The following SAMTOR variants were observed in gnomAD, a reference collection of about 807,000 sequenced individuals.
The protein encoded by SAMTOR is S-adenosylmethionine sensor upstream of mTORC1.
At chr7:112,855,354 G>A in the SAMTOR span, among the ~76,000 whole-genome samples, 3 of 152,124 alleles carry the variant, frequency 2.0e-5, no homozygotes, top group African/African-American at 4.8e-5. Flanking sequence ...ACTTTAAAAC[G>A]ACACCCAATT....
chr7:112,847,709 C>T, the SAMTOR span, among the ~76,000 whole-genome samples: 14 of 151,738 alleles, frequency 9.2e-5, no homozygotes, highest in African/African-American at 2.4e-4. Flanking sequence ...ACGCGGGAGG[C>T]GGAGGTTGCG....
the SAMTOR span, among the ~76,000 whole-genome samples, chr7:112,835,459 ATACTACCCT>A: frequency 6.6e-6 from 1 of 152,110 alleles, no homozygotes; most frequent in Non-Finnish European, 1.5e-5. Flanking sequence ...TAGGTTTTAG[ATACTACCCT>A]TAATAAAGTT....
the SAMTOR span, among the ~76,000 whole-genome samples, chr7:112,875,933 G>A: frequency 2.0e-5 from 3 of 152,222 alleles, no homozygotes; most frequent in South Asian, 4.1e-4. Context: ...ATGACATGTG[G>A]TTCCACCAAT....
the SAMTOR span, among the ~76,000 whole-genome samples, chr7:112,914,586 G>A: frequency 3.3e-5 from 5 of 152,082 alleles, no homozygotes; most frequent in South Asian, 2.1e-4. Flanking sequence ...ACCCTGAACC[G>A]TACATCAAAA....
the SAMTOR span, among the ~76,000 whole-genome samples, chr7:112,843,612 C>G: frequency 9.9e-5 from 15 of 151,892 alleles, no homozygotes; most frequent in Non-Finnish European, 2.2e-4. Flanking sequence ...ATTCCCTGAA[C>G]AGACCAATAA....
At chr7:112,883,477 A>C in the SAMTOR span, among the ~76,000 whole-genome samples, 1 of 152,254 alleles carries the variant, frequency 6.6e-6, no homozygotes, top group Non-Finnish European at 1.5e-5. Context: ...AAGGAAATAA[A>C]GAAATGATTC....
the SAMTOR span, among the ~76,000 whole-genome samples, chr7:112,899,835 C>A: frequency 1.4e-5 from 2 of 145,548 alleles, no homozygotes; most frequent in African/African-American, 5.2e-5. Flanking sequence ...AATACTGTAC[C>A]CCGCAAAGCT....
the SAMTOR span, among the ~76,000 whole-genome samples, chr7:112,870,061 G>A: frequency 6.6e-6 from 1 of 152,078 alleles, no homozygotes; most frequent in Non-Finnish European, 1.5e-5. Flanking sequence ...TATGTAAAGC[G>A]ATCAAATCTA....
the SAMTOR span, chr7:112,832,417 T>C: frequency 1.6e-6 from 1 of 620,184 alleles, no homozygotes; most frequent in Non-Finnish European, 2.9e-6. Flanking sequence ...TGCTCAATTA[T>C]TCACAAAATG....
At chr7:112,877,010 A>G in the SAMTOR span, among the ~76,000 whole-genome samples, 86 of 152,302 alleles carry the variant, frequency 5.6e-4, no homozygotes, top group African/African-American at 2.0e-3. Flanking sequence ...CTTTTACTCC[A>G]TTTATAACAC....
chr7:112,916,625 C>T, the SAMTOR span, among the ~76,000 whole-genome samples: 1 of 152,128 alleles, frequency 6.6e-6, no homozygotes, highest in African/African-American at 2.4e-5. Context: ...GTGTGGGAGC[C>T]GAAGTGGGGC....
At chr7:112,887,259 A>G in the SAMTOR span, among the ~76,000 whole-genome samples, 3,432 of 151,118 alleles carry the variant, frequency 0.023, 68 homozygotes, top group Admixed American at 0.042. Context: ...AGGCAACTAG[A>G]TAAATTCTCC....
the SAMTOR span, chr7:112,895,479 G>C: frequency 1.1e-6 from 1 of 910,406 alleles, no homozygotes; most frequent in South Asian, 3.3e-5. Context: ...GGAGGAGCAA[G>C]TAAACTGCTC....
the SAMTOR span, among the ~76,000 whole-genome samples, chr7:112,847,288 A>G: frequency 6.6e-6 from 1 of 152,246 alleles, no homozygotes; most frequent in Admixed American, 6.5e-5. Context: ...CTCAAATGGT[A>G]CAACAGGATC....
At chr7:112,879,098 T>C in the SAMTOR span, among the ~76,000 whole-genome samples, 1 of 151,548 alleles carries the variant, frequency 6.6e-6, no homozygotes, top group Non-Finnish European at 1.5e-5. Context: ...GGAATCAATC[T>C]GAGTGGTTCA....
chr7:112,904,742 AG>A, the SAMTOR span, among the ~76,000 whole-genome samples: 4 of 152,224 alleles, frequency 2.6e-5, no homozygotes, highest in South Asian at 8.3e-4. Flanking sequence ...TTGACTCGGT[AG>A]AAATAAAAAG....
At chr7:112,899,789 GAAA>G in the SAMTOR span, among the ~76,000 whole-genome samples, 35 of 113,360 alleles carry the variant, frequency 3.1e-4, no homozygotes, top group African/African-American at 1.3e-3. Context: ...TGTGCTGAAG[GAAA>G]AAAAAAAAAA....
chr7:112,820,924 TTGAG>T, the SAMTOR span: 201 of 152,464 alleles, frequency 1.3e-3, no homozygotes, highest in African/African-American at 4.6e-3. Context: ...TAGGTCATTA[TTGAG>T]TATTACATTG....
the SAMTOR span, among the ~76,000 whole-genome samples, chr7:112,921,307 T>C: frequency 6.6e-6 from 1 of 152,016 alleles, no homozygotes; most frequent in African/African-American, 2.4e-5. Flanking sequence ...TCTACAACTA[T>C]CTGATCTTTG....
Sources: allele counts gnomAD v4.1 joint callset (sites outside exome capture counted in the v4.1 genomes callset), GRCh38; gene constraint gnomAD v4.1.1; transcripts MANE v1.5; gene names NCBI Gene and HGNC (gene_info 2026-07-23, HGNC 2026-07-21).